Variants in MBD6 observed in about 807,000 individuals in gnomAD.
MBD6 encodes methyl-CpG-binding domain protein 6.
Under a neutral mutation model 66.8 loss-of-function variants are expected in MBD6, and 22 were observed. That is an observed-to-expected ratio of 0.33 (90% CI 0.24 to 0.47). The LOEUF (loss-of-function observed/expected upper bound fraction) is 0.47, where lower values mean the gene tolerates loss of function less well. MBD6 is among the 20% of genes least tolerant of loss of function. The probability of loss-of-function intolerance (pLI) is 1.00; values close to 1 mark genes in which losing one functional copy is unlikely to be tolerated. For synonymous variants in MBD6, 540 were observed against 534.6 expected (o/e 1.01, Z -0.14); for missense variants, 1,322 against 1,286.9 (o/e 1.03, Z -0.42).
rs769529102 is a variant in MBD6, at chr12:57,527,205, C to G, written c.2060C>G (p.Pro687Arg). The G allele has an allele frequency of 1.3e-6, 2 of 1,511,820 alleles. No homozygotes were observed. The highest frequency in any genetic ancestry group is 4.5e-5 in the Admixed American group (2 of 44,846). 93.7% of individuals were successfully genotyped at this position (1,511,820 alleles called of 1,614,324 possible). A position where few individuals can be genotyped will look rare whatever the true frequency, so the allele number is the denominator to read the frequency against. ...NSALLAATLD[P>R]PSGTPPQPCV... ...GCGCTGCTGGCTGCCACCCTGGATC[C>G]CCCCTCGGGGACACCCCCCCAGGTG... Residue 687 changes from proline (P) to arginine (R), a missense_variant, in exon 7 of 13, where the codon CCC becomes CGC. Coordinates refer to ENST00000355673, the MANE Select transcript of MBD6 (RefSeq NM_052897.4).
At position 57,526,133 on chromosome 12, in the gene MBD6, C is replaced by T; in HGVS notation, c.1165C>T (p.Pro389Ser). The T allele has an allele frequency of 6.2e-7, 1 of 1,614,154 alleles. No individual in the cohort carries two copies. The change falls in exon 6 of 13, where the codon CCT becomes TCT. Residue 389 changes from proline to serine, a missense_variant. Coordinates refer to ENST00000355673, the MANE Select transcript of MBD6 (RefSeq NM_052897.4). ...RGPQTPRRSR[P>S]RAPAPVPQPF... is the part of the protein sequence containing the mutation. ...CCCTCAAACCCCTAGACGGAGCCGTCCTCGGGCCCCTGCTCCTGTCCCCCA... is the reference window on the plus strand; with the variant it reads ...CCCTCAAACCCCTAGACGGAGCCGTTCTCGGGCCCCTGCTCCTGTCCCCCA...
At chr12:57,524,676 C>A in intron 3 of MBD6, 44 bp from the exon 4 acceptor site, 1 of 1,567,114 alleles carries the variant, frequency 6.4e-7, no homozygotes, top group Non-Finnish European at 8.8e-7. Flanking sequence ...TTGCCTGATT[C>A]GCTGCCAGCT....
chr12:57,529,418 A>ACCCCCCCCCCCCCCCCCCCC lies in MBD6; in HGVS notation c.*193_*194insCCCCCCCCCCCCCCCCCCCC, dbSNP rs368133035. 6.9e-5 allele frequency: 23 copies of ACCCCCCCCCCCCCCCCCCCC among 333,340 alleles called. 1 individual carries two copies. The highest frequency in any genetic ancestry group is 2.2e-4 in the African/African-American group (7 of 32,336). The allele number at this position is 333,340 out of a possible 1,614,324, so 20.6% of individuals were successfully genotyped here. ...GCCATTGCAGGGGGCAGGGAAGTTCACCCCCCCCCACCACCCCCCCGCCCC... is the reference window on the plus strand; with the variant it reads ...GCCATTGCAGGGGGCAGGGAAGTTCACCCCCCCCCCCCCCCCCCCCCCCCCCCCCACCACCCCCCCGCCCC... On this transcript the variant is annotated 3_prime_UTR_variant, in exon 13 of 13. Transcript: ENST00000355673.
Position 57,527,492 on chromosome 12 carries a change from ATTC to A in MBD6, c.2083-12_2083-10del. ...TTTTACACGCGTAAGTGTTAGAATC[ATTC>A]TTTTTTCTTAGCCCTGTGTCCTGAG... On this transcript the variant is annotated splice_polypyrimidine_tract_variant and intron_variant, in intron 7 of 12. Transcript: ENST00000355673. 1.9e-6 allele frequency: 3 copies of A among 1,613,912 alleles called. No individual in the cohort carries two copies. The highest frequency in any genetic ancestry group is 2.5e-6 in the Non-Finnish European group (3 of 1,179,858).
At position 57,526,794 on chromosome 12, in the gene MBD6, C is replaced by T. The variant is rs766865360; in HGVS notation, c.1649C>T (p.Pro550Leu). 1.9e-6 allele frequency: 3 copies of T among 1,608,754 alleles called. No homozygotes were observed. The highest frequency in any genetic ancestry group is 1.7e-4 in the Middle Eastern group (1 of 6,030). Residue 550 changes from proline (P) to leucine (L), a missense_variant, in exon 7 of 13, where the codon CCT becomes CTT. Coordinates refer to ENST00000355673, the MANE Select transcript of MBD6 (RefSeq NM_052897.4). Reference sequence around the variant, plus strand: ...CCTCTCCCTCTGAGTCTGGGGCAGCCTCCACCTTCTCCATTGCTCAACCAC... The same window carrying T: ...CCTCTCCCTCTGAGTCTGGGGCAGCTTCCACCTTCTCCATTGCTCAACCAC... ...ALPLPLSLGQ[P>L]PPSPLLNHSL...
Position 57,525,419 on chromosome 12 carries a change from G to A in MBD6, c.451G>A (p.Val151Ile). 1.3e-6 allele frequency: 2 copies of A among 1,539,084 alleles called. No individual in the cohort carries two copies. Among genetic ancestry groups the A allele is most frequent in the Non-Finnish European group, 1.7e-6 (2 of 1,149,954 alleles). Reference sequence around the variant, plus strand: ...CCCCTCTGCCCGCCCTCCCTGTCGAGTTCCTCCTACAACTCCACTTAATGG... The same window carrying A: ...CCCCTCTGCCCGCCCTCCCTGTCGAATTCCTCCTACAACTCCACTTAATGG... ...GPPSARPPCR[V>I]PPTTPLNGGP... The change falls in exon 6 of 13, where the codon GTT becomes ATT. Residue 151 changes from valine (V) to isoleucine (I), a missense_variant. Val to Ile is a conservative substitution (Grantham distance 29). Transcript: ENST00000355673.
intron 8 of MBD6, 24 bp from the exon 9 acceptor site, chr12:57,527,824 C>A (rs756804746): frequency 1.2e-6 from 2 of 1,610,904 alleles, no homozygotes; most frequent in Non-Finnish European, 1.7e-6. Flanking sequence ...TAGGGAGAGA[C>A]CCCTGACTAT....
At position 57,524,323 on chromosome 12, in the gene MBD6, G is replaced by A. The variant is rs191575267; in HGVS notation, c.20G>A (p.Ser7Asn). The A allele has an allele frequency of 1.3e-5, 20 of 1,572,750 alleles. No homozygotes were observed. The South Asian group carries it at 2.3e-4, about 18-fold the overall frequency. The change falls in exon 3 of 13, where the codon AGC becomes AAC. Residue 7 changes from serine (S) to asparagine (N), a missense_variant. Physicochemically the swap from Ser to Asn is conservative, Grantham distance 46. Coordinates refer to ENST00000355673, the MANE Select transcript of MBD6 (RefSeq NM_052897.4). ...CACACAATGAATGGGGGCAATGAGA[G>A]CAGTGGAGCAGACAGAGCTGGGGGC... MNGGNE[S>N]SGADRAGGPV...
In MBD6 at chr12:57,525,809, C is replaced by T; in HGVS notation, c.841C>T (p.His281Tyr). The part of the protein sequence containing the change: ...PLPPSNNLPA[H>Y]PGPASQPPVS... ...GCCCCCGAGCAATAATCTCCCCGCCCACCCTGGTCCTGCCTCTCAGCCACC... is the reference window on the plus strand; with the variant it reads ...GCCCCCGAGCAATAATCTCCCCGCCTACCCTGGTCCTGCCTCTCAGCCACC... Residue 281 changes from histidine (H) to tyrosine (Y), a missense_variant, in exon 6 of 13, where the codon CAC becomes TAC. Physicochemically the swap from His to Tyr is moderately conservative, Grantham distance 83. Coordinates refer to ENST00000355673, the MANE Select transcript of MBD6 (RefSeq NM_052897.4). 1 of 1,613,542 alleles carries T rather than the reference C, an allele frequency of 6.2e-7. No individual in the cohort carries two copies. Among genetic ancestry groups the T allele is most frequent in the South Asian group, 1.1e-5 (1 of 91,048 alleles).
chr12:57,527,481 G>A (rs1012009816), intron 7 of MBD6, 26 bp from the exon 8 acceptor site: 10 of 1,613,040 alleles, frequency 6.2e-6, no homozygotes, highest in Admixed American at 1.7e-5. Flanking sequence ...ACACGCGTAA[G>A]TGTTAGAATC....
Position 57,526,820 on chromosome 12 carries a change from A to T in MBD6, c.1675A>T (p.Ser559Cys), listed in dbSNP as rs766176543. 1 of 1,612,756 alleles carries T rather than the reference A, an allele frequency of 6.2e-7. No individual in the cohort carries two copies. Reference protein sequence around the residue: ...QPPPSPLLNHSLFGVLTGGGG... With the variant: ...QPPPSPLLNHCLFGVLTGGGG... The stretch of plus-strand genomic sequence containing the variant: ...TCCACCTTCTCCATTGCTCAACCAC[A>T]GTTTATTTGGTGTGCTGACTGGGGG... Residue 559 changes from serine (S) to cysteine (C), a missense_variant, in exon 7 of 13, where the codon AGT becomes TGT. By Grantham distance (112) the Ser-to-Cys change is moderately radical. Coordinates refer to ENST00000355673, the MANE Select transcript of MBD6 (RefSeq NM_052897.4).
chr12:57,524,050 C>T lies in MBD6; in HGVS notation c.-67C>T, dbSNP rs907140009. 2 of 324,852 alleles carry T rather than the reference C, an allele frequency of 6.2e-6. No homozygotes were observed. The highest frequency in any genetic ancestry group is 1.1e-5 in the Non-Finnish European group (2 of 177,454). The allele number at this position is 324,852 out of a possible 1,614,324, so 20.1% of individuals were successfully genotyped here. A position where few individuals can be genotyped will look rare whatever the true frequency, so the allele number is the denominator to read the frequency against. On this transcript the variant is annotated 5_prime_UTR_variant, in exon 2 of 13. Coordinates refer to ENST00000355673, the MANE Select transcript of MBD6 (RefSeq NM_052897.4). ...GCAGGTGTGGGCTAAGCTGGTGGCC[C>T]CGGCTTTAGACTGGACCCCACAATG...
In MBD6 at chr12:57,526,579, A is replaced by G. The variant is rs766607620; in HGVS notation, c.1434A>G (p.Pro478=). 2 of 1,510,606 alleles carry G rather than the reference A, an allele frequency of 1.3e-6. No homozygotes were observed. The highest frequency in any genetic ancestry group is 1.4e-5 in the South Asian group (1 of 73,392). 93.6% of individuals were successfully genotyped at this position (1,510,606 alleles called of 1,614,324 possible). The change falls in exon 7 of 13, where the codon CCA becomes CCG. Residue 478 remains proline, a synonymous_variant. Transcript: ENST00000355673. Reference sequence around the variant, plus strand: ...CCTCTTTTACAGGTGCCCCTGCCCCACCAGCTGCCTCCAAAGCCCCAGTAG... The same window carrying G: ...CCTCTTTTACAGGTGCCCCTGCCCCGCCAGCTGCCTCCAAAGCCCCAGTAG... ...SLSSVPGAPA[P]PAASKAPVVP...
rs1879406726 is a variant in MBD6 at position 57,529,452 on chromosome 12, C to T, written c.*218C>T. The T allele has an allele frequency of 3.6e-6, 2 of 561,296 alleles. No homozygotes were observed. Among genetic ancestry groups the T allele is most frequent in the Non-Finnish European group, 6.3e-6 (2 of 316,070 alleles). The allele number at this position is 561,296 out of a possible 1,614,324, so 34.8% of individuals were successfully genotyped here. Reference sequence around the variant, plus strand: ...CACCACCCCCCCGCCCCCCCGAAGCCATGTCACTGAAAAGGCCTGGGGGGG... The same window carrying T: ...CACCACCCCCCCGCCCCCCCGAAGCTATGTCACTGAAAAGGCCTGGGGGGG... On this transcript the variant is annotated 3_prime_UTR_variant, in exon 13 of 13. Coordinates refer to ENST00000355673, the MANE Select transcript of MBD6 (RefSeq NM_052897.4).
At position 57,525,595 on chromosome 12, in the gene MBD6, C is replaced by T; in HGVS notation, c.627C>T (p.Ala209=). The stretch of plus-strand genomic sequence containing the variant: ...CCCGTTTCCTCCCAAGGGGCAATGC[C>T]CCCTCTCCAGCCCCACCTCCTCCAC... ...SSPRFLPRGN[A]PSPAPPPPPA... Residue 209 remains alanine, a synonymous_variant, in exon 6 of 13, where the codon GCC becomes GCT. Coordinates refer to ENST00000355673, the MANE Select transcript of MBD6 (RefSeq NM_052897.4). 1 of 1,612,282 alleles carries T rather than the reference C, an allele frequency of 6.2e-7. No individual in the cohort carries two copies.
upstream of MBD6, among the ~76,000 whole-genome samples, chr12:57,521,425 G>A (rs1036073195): frequency 2.0e-5 from 3 of 152,174 alleles, no homozygotes; most frequent in African/African-American, 4.8e-5. Context: ...TCGCGCCACT[G>A]CACTCCAGCC....
downstream of MBD6, chr12:57,530,727 C>CA: frequency 6.2e-7 from 1 of 1,613,928 alleles, no homozygotes; most frequent in Non-Finnish European, 8.5e-7. Flanking sequence ...TCAATGCTGG[C>CA]AAAGTTCCCC....
intron 1 of MBD6, among the ~76,000 whole-genome samples, chr12:57,523,783 G>A (rs1291191271): frequency 6.6e-6 from 1 of 152,196 alleles, no homozygotes; most frequent in Non-Finnish European, 1.5e-5. Flanking sequence ...GGGAGGCCTT[G>A]CCCTTCATAT....
rs1165386654 is a variant in MBD6 at position 57,525,095 on chromosome 12, C to A, written c.359C>A (p.Thr120Asn). The change falls in exon 5 of 13, where the codon ACC becomes AAC. Residue 120 changes from threonine (T) to asparagine (N), a missense_variant. By Grantham distance (65) the Thr-to-Asn change is moderately conservative (BLOSUM62 0). Transcript: ENST00000355673. The part of the protein sequence containing the change: ...MATLYRSMET[T>N]CSHSSPGEGA... ...ACTCTGTACCGCAGCATGGAGACCA[C>A]CTGCTCACACTCTTCTCCTGGTGAG... 1 of 1,610,262 alleles carries A rather than the reference C, an allele frequency of 6.2e-7. No homozygotes were observed. The highest frequency in any genetic ancestry group is 8.5e-7 in the Non-Finnish European group (1 of 1,179,174).
Sources: gnomAD v4.1 joint callset for allele counts (sites outside exome capture counted in the v4.1 genomes callset) on GRCh38, gnomAD v4.1.1 for gene constraint, MANE v1.5 for transcripts, NCBI Gene and HGNC (gene_info 2026-07-23, HGNC 2026-07-21) for gene names.